Variants in XKR6 observed in about 807,000 individuals in gnomAD.
XKR6 encodes the protein XK related 6, also known as XK-related protein 6.
A neutral mutation model predicts 56.7 loss-of-function variants in XKR6; 22 were observed. The observed-to-expected ratio is 0.39, with a 90% CI of 0.28 to 0.55. The LOEUF is 0.55. Ranked by LOEUF, XKR6 falls within the 20% of genes least tolerant of loss-of-function variation. The pLI is 0.66. For synonymous variants in XKR6, 524 were observed against 387.8 expected (o/e 1.35, Z -4.13); for missense variants, 852 against 889.0 (o/e 0.96, Z 0.53).
intron 1 of XKR6, among the ~76,000 whole-genome samples, chr8:11,115,885 T>A (rs577843215): frequency 6.6e-6 from 1 of 152,256 alleles, no homozygotes; most frequent in East Asian, 1.9e-4. Flanking sequence ...TTTCATGGAG[T>A]CTAACTAAAT....
In XKR6 at chr8:11,085,564, G is replaced by C. The variant is rs149193430; in HGVS notation, c.764+115012C>G. ...TGATCTTGGCCAGAGGCAGGAGAAT[G>C]GGGAGTGGGCACTGCTGGACGAGGA... On this transcript the variant is annotated intron_variant, in intron 1 of 2. Transcript: ENST00000416569. Among the ~76,000 whole-genome samples the C allele has an allele frequency of 3.3e-3, 503 of 152,284 alleles. 3 individuals are homozygous for C. Among genetic ancestry groups the C allele is most frequent in the African/African-American group, 0.011 (474 of 41,558 alleles).
intron 1 of XKR6, among the ~76,000 whole-genome samples, chr8:11,146,418 G>T (rs1207701360): frequency 6.6e-6 from 1 of 152,202 alleles, no homozygotes; most frequent in African/African-American, 2.4e-5. Context: ...ATGAGGCCAG[G>T]AGTTCAATAC....
chr8:11,093,877 G>A (rs13275102), intron 1 of XKR6, among the ~76,000 whole-genome samples: 36,155 of 149,568 alleles, frequency 0.24, 4,735 homozygotes, highest in Middle Eastern at 0.31. Flanking sequence ...TCTGCCTCCC[G>A]GGTTCACGCC....
At chr8:10,901,691 T>C (rs1800040336) in intron 2 of XKR6, among the ~76,000 whole-genome samples, 1 of 152,120 alleles carries the variant, frequency 6.6e-6, no homozygotes, top group Non-Finnish European at 1.5e-5. Context: ...TTCCTTCTAA[T>C]AAAGCAAACT....
At chr8:10,993,811 G>A (rs1798047877) in intron 1 of XKR6, among the ~76,000 whole-genome samples, 1 of 152,188 alleles carries the variant, frequency 6.6e-6, no homozygotes, top group South Asian at 2.1e-4. Flanking sequence ...CCAAAGCCCA[G>A]TTATTCAAAG....
intron 1 of XKR6, among the ~76,000 whole-genome samples, chr8:11,058,661 G>C (rs945950970): frequency 6.6e-6 from 1 of 152,086 alleles, no homozygotes; most frequent in Non-Finnish European, 1.5e-5. Context: ...CACCGGGAGG[G>C]GAACATCACA....
chr8:11,152,547 G>C (rs912354852), intron 1 of XKR6, among the ~76,000 whole-genome samples: 11 of 152,170 alleles, frequency 7.2e-5, no homozygotes, highest in Admixed American at 7.2e-4. Context: ...ATCAGGATGA[G>C]ATGTCTTGCC....
intron 1 of XKR6, chr8:11,062,764 A>G (rs1387569300): frequency 4.4e-6 from 2 of 456,238 alleles, no homozygotes; most frequent in Admixed American, 2.3e-5. Flanking sequence ...ACTTACAGAA[A>G]TTGTTCTCTC....
In XKR6 at chr8:11,108,247, G is replaced by C. The variant is rs376070535; in HGVS notation, c.764+92329C>G. On this transcript the variant is annotated intron_variant, in intron 1 of 2. Coordinates refer to ENST00000416569, the MANE Select transcript of XKR6 (RefSeq NM_173683.4). ...AACCATACAATTGTAAAATCTGTAA[G>C]GAATAAGGAAGGAATTATCTGTGAA... 108 of 454,436 alleles carry C rather than the reference G, an allele frequency of 2.4e-4. 1 individual carries two copies. Among genetic ancestry groups the C allele is most frequent in the African/African-American group, 1.3e-3 (64 of 50,084 alleles). 28.2% of individuals were successfully genotyped at this position (454,436 alleles called of 1,614,324 possible).
At chr8:11,111,086 C>A (rs1798869852) in intron 1 of XKR6, among the ~76,000 whole-genome samples, 1 of 149,968 alleles carries the variant, frequency 6.7e-6, no homozygotes, top group African/African-American at 2.5e-5. Context: ...GATCTCCTGA[C>A]CTCGTGATCT....
intron 1 of XKR6, among the ~76,000 whole-genome samples, chr8:11,065,922 C>T (rs1284908984): frequency 1.3e-5 from 2 of 152,214 alleles, no homozygotes; most frequent in African/African-American, 4.8e-5. Flanking sequence ...TGTGTGCCCA[C>T]AGTACCTGGG....
intron 2 of XKR6, among the ~76,000 whole-genome samples, chr8:10,917,335 T>C (rs1800590869): frequency 6.6e-6 from 1 of 152,250 alleles, no homozygotes; most frequent in South Asian, 2.1e-4. Context: ...CTGGATGGCC[T>C]GATGGGCAGC....
chr8:10,979,762 G>C (rs1389287196), intron 1 of XKR6, among the ~76,000 whole-genome samples: 1 of 152,324 alleles, frequency 6.6e-6, no homozygotes, highest in East Asian at 1.9e-4. Flanking sequence ...CCCTCCGTAG[G>C]GGTTTTCTCT....
rs759310386 is a variant in XKR6, at chr8:11,042,188, G to C, written c.765-117358C>G. Among the ~76,000 whole-genome samples the C allele has an allele frequency of 4.6e-5, 7 of 151,626 alleles. No individual in the cohort carries two copies. In the East Asian group the frequency reaches 5.8e-4, roughly 13 times the overall value. ...ACTGTGGCAGTTTATCACAGGTCGA[G>C]TCTCCCTTATCCAAAATGCTTGGGA... On this transcript the variant is annotated intron_variant, in intron 1 of 2. Coordinates refer to ENST00000416569, the MANE Select transcript of XKR6 (RefSeq NM_173683.4).
intron 1 of XKR6, among the ~76,000 whole-genome samples, chr8:11,030,333 T>C (rs368395571): frequency 6.6e-6 from 1 of 152,178 alleles, no homozygotes; most frequent in Non-Finnish European, 1.5e-5. Flanking sequence ...ACTGCACAGA[T>C]TGAGAATGTA....
At chr8:11,033,273 G>A (rs574985803) in intron 1 of XKR6, among the ~76,000 whole-genome samples, 18 of 148,166 alleles carry the variant, frequency 1.2e-4, no homozygotes, top group East Asian at 2.0e-4. Context: ...TGATGATGGC[G>A]ATGATGACGA....
At chr8:11,157,664 T>C (rs1432122505) in intron 1 of XKR6, among the ~76,000 whole-genome samples, 1 of 152,098 alleles carries the variant, frequency 6.6e-6, no homozygotes, top group Admixed American at 6.5e-5. Flanking sequence ...TATAGGTGCA[T>C]GCCACCATAC....
intron 2 of XKR6, among the ~76,000 whole-genome samples, chr8:10,903,909 G>A (rs780147774): frequency 6.6e-6 from 1 of 152,162 alleles, no homozygotes; most frequent in African/African-American, 2.4e-5. Context: ...GTGAGTACAG[G>A]TTCTTCCTTC....
intron 1 of XKR6, among the ~76,000 whole-genome samples, chr8:10,973,025 CT>C: frequency 6.6e-6 from 1 of 152,272 alleles, no homozygotes; most frequent in Admixed American, 6.5e-5. Flanking sequence ...TTCAGTAGGA[CT>C]TTGCTGTTTC....
Sources: gnomAD v4.1 joint callset for allele counts (sites outside exome capture counted in the v4.1 genomes callset) on GRCh38, gnomAD v4.1.1 for gene constraint, MANE v1.5 for transcripts, NCBI Gene and HGNC (gene_info 2026-07-23, HGNC 2026-07-21) for gene names.